The following SMTNL2 variants were observed in gnomAD, a reference collection of about 807,000 sequenced individuals.
SMTNL2 encodes the protein smoothelin-like protein 2.
SMTNL2 carries 43 observed loss-of-function variants against 44.1 expected under a neutral mutation model. The observed-to-expected ratio is 0.98, with a 90% CI of 0.76 to 1.26. The LOEUF is 1.26. Among genes scored for constraint, SMTNL2 ranks in the 50% most tolerant of loss-of-function variants. The probability of loss-of-function intolerance (pLI) is 0.00; values close to 1 mark genes in which losing one functional copy is unlikely to be tolerated. For missense variants in SMTNL2, 646 were observed against 670.2 expected, an observed-to-expected ratio of 0.96 and a Z score of 0.40; for synonymous variants, 317 against 287.6, an observed-to-expected ratio of 1.10 and a Z score of -1.03.
At chr17:4,590,695 C>T (rs1372677899) in intron 1 of SMTNL2, among the ~76,000 whole-genome samples, 1 of 152,140 alleles carries the variant, frequency 6.6e-6, no homozygotes, top group Non-Finnish European at 1.5e-5. Context: ...CCCTTTTCCC[C>T]AAAGCTCCGA....
In SMTNL2 at chr17:4,607,547, G is replaced by A. The variant is rs569601588; in HGVS notation, c.*60G>A. On this transcript the variant is annotated 3_prime_UTR_variant, in exon 8 of 8. Transcript: ENST00000389313. This position sits in a 1 kb window ranked among gnomAD's most constrained non-coding sequence, Gnocchi z 4.7. ...AGGAAGAGGCCGGGGGTCCGCTTGC[G>A]ATTCCCCAGCCAGGATGCCCCCAGG... 376 of 1,587,506 alleles carry A rather than the reference G, an allele frequency of 2.4e-4. No homozygotes were observed. The highest frequency in any genetic ancestry group is 3.4e-4 in the Admixed American group (20 of 58,304).
upstream of SMTNL2, chr17:4,584,432 G>C (rs1188266736): frequency 3.4e-6 from 2 of 595,990 alleles, no homozygotes; most frequent in Admixed American, 4.6e-5. Context: ...TCCAGGGCAG[G>C]GGGGTGTCCC....
At chr17:4,589,122 G>A (rs76951758) in intron 1 of SMTNL2, among the ~76,000 whole-genome samples, 1,579 of 152,272 alleles carry the variant, frequency 0.01, 28 homozygotes, top group African/African-American at 0.036. Context: ...AGAACCCTTA[G>A]CAGTGATCTA....
In SMTNL2 at chr17:4,589,240, T is replaced by TC. The variant is rs376192939; in HGVS notation, c.400-3118dup. ...CAGGGACAGGCATCTGCGGAGGGCC[T>TC]CCCACCCACCTATAGAGAAACATAT... On this transcript the variant is annotated intron_variant, in intron 1 of 7. Transcript: ENST00000389313. Among the ~76,000 whole-genome samples, 8 of 151,320 alleles carry TC rather than the reference T, an allele frequency of 5.3e-5. No homozygotes were observed. In the South Asian group the frequency reaches 6.2e-4, roughly 12 times the overall value.
intron 7 of SMTNL2, among the ~76,000 whole-genome samples, chr17:4,601,870 G>GT (rs905027316): frequency 8.5e-4 from 126 of 148,490 alleles, no homozygotes; most frequent in African/African-American, 2.1e-3. Context: ...AGCAGTTGTT[G>GT]TTTTTTTTTT....
chr17:4,595,827 G>A lies in SMTNL2; in HGVS notation c.989+500G>A, dbSNP rs1480539788. On this transcript the variant is annotated intron_variant, in intron 5 of 7. Transcript: ENST00000389313. The surrounding 1 kb of genome is among the most constrained non-coding windows in gnomAD (Gnocchi z 5.1). The stretch of plus-strand genomic sequence containing the variant: ...CTAGGTCTCGAGCGACGGCTCCTCA[G>A]GCTCCAGCCCACCTTTGCATATTCA... Among the ~76,000 whole-genome samples, 1 of 152,250 alleles carries A rather than the reference G, an allele frequency of 6.6e-6. No homozygotes were observed. The highest frequency in any genetic ancestry group is 1.5e-5 in the Non-Finnish European group (1 of 68,040).
intron 6 of SMTNL2, 93 bp downstream of exon 6, chr17:4,597,070 G>A (rs1909849136): frequency 1.3e-6 from 2 of 1,506,938 alleles, no homozygotes; most frequent in Admixed American, 2.1e-5. Flanking sequence ...CTGGGCAGGA[G>A]CCCGCTGAGG....
intron 1 of SMTNL2, among the ~76,000 whole-genome samples, chr17:4,587,170 T>G (rs1335787074): frequency 6.6e-6 from 1 of 150,894 alleles, no homozygotes; most frequent in Non-Finnish European, 1.5e-5. Context: ...TGTTGGGGAG[T>G]GAAGATGGAG....
intron 1 of SMTNL2, 62 bp downstream of exon 1, chr17:4,585,066 C>T: frequency 4.7e-6 from 6 of 1,277,342 alleles, no homozygotes; most frequent in Non-Finnish European, 5.9e-6. Context: ...GGGTGCCGCC[C>T]CTTCGCCCCG....
In SMTNL2 at chr17:4,584,985, C is replaced by T; in HGVS notation, c.380C>T (p.Ser127Leu). 1 of 1,374,122 alleles carries T rather than the reference C, an allele frequency of 7.3e-7. No individual in the cohort carries two copies. Among genetic ancestry groups the T allele is most frequent in the African/African-American group, 1.5e-5 (1 of 65,892 alleles). 85.1% of individuals were successfully genotyped at this position (1,374,122 alleles called of 1,614,324 possible). A position where few individuals can be genotyped will look rare whatever the true frequency, so the allele number is the denominator to read the frequency against. ...CGCTTCGCCAGCCACGCCACCTTCT[C>T]GCTGTCCGGCCGCGGCCAGGTGAGC... ...SARFASHATFSLSGRGQSLDH... is the reference protein window; with the variant it reads ...SARFASHATFLLSGRGQSLDH... The change falls in exon 1 of 8, where the codon TCG becomes TTG. Residue 127 changes from serine (S) to leucine (L), a missense_variant. Physicochemically the swap from Ser to Leu is moderately radical, Grantham distance 145 (BLOSUM62 -2). Coordinates refer to ENST00000389313, the MANE Select transcript of SMTNL2 (RefSeq NM_001114974.2).
chr17:4,591,123 G>C (rs1909554083), intron 1 of SMTNL2, among the ~76,000 whole-genome samples: 1 of 152,202 alleles, frequency 6.6e-6, no homozygotes, highest in Admixed American at 6.5e-5. Flanking sequence ...TGAAGCCTGT[G>C]TGAGGCATCC....
chr17:4,606,078 G>T (rs1910263537), intron 7 of SMTNL2, among the ~76,000 whole-genome samples: 1 of 152,192 alleles, frequency 6.6e-6, no homozygotes, highest in Admixed American at 6.5e-5. Context: ...AGGAGGCAGA[G>T]GGCCCTGGGG....
Position 4,595,121 on chromosome 17 carries a change from C to A in SMTNL2, c.807-24C>A. The A allele has an allele frequency of 1.2e-6, 2 of 1,612,968 alleles. No individual in the cohort carries two copies. Among genetic ancestry groups the A allele is most frequent in the South Asian group, 2.2e-5 (2 of 91,054 alleles). The stretch of plus-strand genomic sequence containing the variant: ...TAGTGATGGCTGCTGGGCCCAGGTC[C>A]CAACTCGGCGATTCTTTCCTCAGCC... On this transcript the variant is annotated intron_variant, in intron 4 of 7. Coordinates refer to ENST00000389313, the MANE Select transcript of SMTNL2 (RefSeq NM_001114974.2). This position sits in a 1 kb window ranked among gnomAD's most constrained non-coding sequence, Gnocchi z 5.1.
At position 4,600,489 on chromosome 17, in the gene SMTNL2, A is replaced by G. The variant is rs1353855950; in HGVS notation, c.1259+3166A>G. 1.3e-5 allele frequency among the ~76,000 whole-genome samples: 2 copies of G among 152,194 alleles called. No individual in the cohort carries two copies. Among genetic ancestry groups the G allele is most frequent in the Non-Finnish European group, 2.9e-5 (2 of 68,028 alleles). ...GCGTGAGGAATGAAGCATTTCCCCG[A>G]GCAAGTGCCTTAAAGGCACAAGGAT... is the stretch of plus-strand genomic sequence containing the variant. On this transcript the variant is annotated intron_variant, in intron 7 of 7. Transcript: ENST00000389313. This position sits in a 1 kb window ranked among gnomAD's most constrained non-coding sequence, Gnocchi z 4.7.
chr17:4,590,631 G>C (rs1414035539), intron 1 of SMTNL2, among the ~76,000 whole-genome samples: 1 of 152,134 alleles, frequency 6.6e-6, no homozygotes. Flanking sequence ...GTCTGGGCTT[G>C]GGAGAGGCTT....
chr17:4,590,142 T>C (rs561616828), intron 1 of SMTNL2, among the ~76,000 whole-genome samples: 23 of 152,000 alleles, frequency 1.5e-4, no homozygotes, highest in Non-Finnish European at 2.8e-4. Context: ...AATTGTTGTA[T>C]TTTTAGTAGA....
intron 7 of SMTNL2, among the ~76,000 whole-genome samples, chr17:4,599,535 G>T (rs1347041552): frequency 2.6e-5 from 4 of 152,202 alleles, no homozygotes; most frequent in Admixed American, 6.5e-5. Flanking sequence ...CCACCCCAGG[G>T]TGAGGCGACA....
rs988664170 is a variant in SMTNL2 at position 4,608,083 on chromosome 17, G to A, written c.*596G>A. ...GTCACCTCCGCTCTCCGGGGAGATG[G>A]GAAGGCTCTCCTCTCGGTCCCAAAG... is the stretch of plus-strand genomic sequence containing the variant. On this transcript the variant is annotated 3_prime_UTR_variant, in exon 8 of 8. Transcript: ENST00000389313. 1 of 152,156 alleles carries A rather than the reference G, an allele frequency of 6.6e-6. No individual in the cohort carries two copies. Among genetic ancestry groups the A allele is most frequent in the Admixed American group, 6.5e-5 (1 of 15,276 alleles). 9.4% of individuals were successfully genotyped at this position (152,156 alleles called of 1,614,324 possible). A position where few individuals can be genotyped will look rare whatever the true frequency, so the allele number is the denominator to read the frequency against.
At position 4,600,843 on chromosome 17, in the gene SMTNL2, G is replaced by C. The variant is rs139400942; in HGVS notation, c.1259+3520G>C. Among the ~76,000 whole-genome samples, 24 of 152,306 alleles carry C rather than the reference G, an allele frequency of 1.6e-4. No homozygotes were observed. In the East Asian group the frequency reaches 4.6e-3, roughly 29 times the overall value. On this transcript the variant is annotated intron_variant, in intron 7 of 7. Coordinates refer to ENST00000389313, the MANE Select transcript of SMTNL2 (RefSeq NM_001114974.2). The surrounding 1 kb of genome is among the most constrained non-coding windows in gnomAD (Gnocchi z 4.7). Reference sequence around the variant, plus strand: ...GGAATGTGTCCTGCTCTCGGGTTACGCTGGAGCAGAAGGGCCTTCCAGGCT... The same window carrying C: ...GGAATGTGTCCTGCTCTCGGGTTACCCTGGAGCAGAAGGGCCTTCCAGGCT...
Sources: gnomAD v4.1 joint callset for allele counts (sites outside exome capture counted in the v4.1 genomes callset) on GRCh38, gnomAD v4.1.1 for gene constraint, Gnocchi (gnomAD v3.1) non-coding constraint, MANE v1.5 for transcripts, NCBI Gene and HGNC (gene_info 2026-07-23, HGNC 2026-07-21) for gene names.